Variants in DLX4 observed in about 807,000 individuals in gnomAD.
DLX4 encodes distal-less homeobox 4.
In DLX4, 13 loss-of-function variants were observed where a neutral mutation model predicts 17.1. The observed-to-expected ratio is 0.76, with a 90% CI of 0.49 to 1.21. The LOEUF is 1.21. Among genes scored for constraint, DLX4 ranks in the 50% most tolerant of loss-of-function variants. DLX4 has a pLI of 0.00. For synonymous variants in DLX4, 129 were observed against 140.3 expected (o/e 0.92, Z 0.57); for missense variants, 297 against 301.4 (o/e 0.99, Z 0.11).
At position 49,973,873 on chromosome 17, in the gene DLX4, A is replaced by G; in HGVS notation, c.653A>G (p.Tyr218Cys). The G allele has an allele frequency of 1.2e-6, 2 of 1,612,894 alleles. No individual in the cohort carries two copies. The highest frequency in any genetic ancestry group is 1.1e-5 in the South Asian group (1 of 90,942). Residue 218 changes from tyrosine (Y) to cysteine (C), a missense_variant, in exon 3 of 3, where the codon TAT (tyrosine) becomes TGT (cysteine). Physicochemically the swap from Tyr to Cys is radical, Grantham distance 194. Coordinates refer to ENST00000240306, the MANE Select transcript of DLX4 (RefSeq NM_138281.3). ...GCAGGGACCCTGCCCACCAGTGGCT[A>G]TGGCAACAGCTTTGGAGCCTGGTAT... ...PKAGTLPTSG[Y>C]GNSFGAWYQH...
At chr17:49,971,927 C>T (rs1460998113) in intron 1 of DLX4, 3 of 152,094 alleles carry the variant, frequency 2.0e-5, no homozygotes, top group East Asian at 3.9e-4. Context: ...GAGGGTGAGC[C>T]CGACTAGGGG....
intron 2 of DLX4, 190 bp downstream of exon 2, chr17:49,973,459 C>A (rs1905599461): frequency 9.5e-7 from 1 of 1,057,554 alleles, no homozygotes; most frequent in Non-Finnish European, 1.4e-6. Context: ...CATGTATGTG[C>A]GGGTGGGGTG....
chr17:49,969,238 A>C lies in DLX4; in HGVS notation c.-231A>C. 1 of 424,718 alleles carries C rather than the reference A, an allele frequency of 2.4e-6. No homozygotes were observed. Among genetic ancestry groups the C allele is most frequent in the Non-Finnish European group, 4.0e-6 (1 of 252,848 alleles). The allele number at this position is 424,718 out of a possible 1,614,324, so 26.3% of individuals were successfully genotyped here. A position where few individuals can be genotyped will look rare whatever the true frequency, so the allele number is the denominator to read the frequency against. On this transcript the variant is annotated 5_prime_UTR_variant, in exon 1 of 3. Transcript: ENST00000240306. ...GATGGAGAGGAGGGGGCCCCCATGG[A>C]TTTAGGGGGGGAGGGGAAAGTCATG...
chr17:49,974,075 G>C lies in DLX4; in HGVS notation c.*132G>C. The stretch of plus-strand genomic sequence containing the variant: ...TTTCTCTGGAGGACAAGCAGTTAGA[G>C]GAGAAAAAGGAATGGAGCAGAGCCT... On this transcript the variant is annotated 3_prime_UTR_variant, in exon 3 of 3. Transcript: ENST00000240306. 1 of 1,244,008 alleles carries C rather than the reference G, an allele frequency of 8.0e-7. No homozygotes were observed. The highest frequency in any genetic ancestry group is 2.8e-5 in the East Asian group (1 of 35,644). The allele number at this position is 1,244,008 out of a possible 1,614,324, so 77.1% of individuals were successfully genotyped here. A position where few individuals can be genotyped will look rare whatever the true frequency, so the allele number is the denominator to read the frequency against.
At position 49,973,088 on chromosome 17, in the gene DLX4, G is replaced by A. The variant is rs1905577220; in HGVS notation, c.299G>A (p.Arg100Gln). ...QELEADSEKP[R>Q]LSPEPSERRP... ...TGCCCACCAGACTCGGAGAAGCCGC[G>A]GCTGTCCCCGGAACCCTCCGAGCGG... The change falls in exon 2 of 3, where the codon CGG becomes CAG. Residue 100 changes from arginine to glutamine, a missense_variant. Coordinates refer to ENST00000240306, the MANE Select transcript of DLX4 (RefSeq NM_138281.3). The A allele has an allele frequency of 4.3e-6, 7 of 1,613,896 alleles. No individual in the cohort carries two copies. The highest frequency in any genetic ancestry group is 1.1e-5 in the South Asian group (1 of 91,080).
rs1195924160 is a variant in DLX4, at chr17:49,974,817, ACCC to A, written c.*877_*879del. On this transcript the variant is annotated 3_prime_UTR_variant, in exon 3 of 3. Transcript: ENST00000240306. ...TCTCTGGATTAGTGCGGGTATAGACACCCCCAAATAGGTGGGTAGGCCCATTGA... is the reference window on the plus strand; with the variant it reads ...TCTCTGGATTAGTGCGGGTATAGACACCAAATAGGTGGGTAGGCCCATTGA... 2.6e-5 allele frequency: 4 copies of A among 151,982 alleles called. No individual in the cohort carries two copies. Among genetic ancestry groups the A allele is most frequent in the African/African-American group, 9.7e-5 (4 of 41,360 alleles). 9.4% of individuals were successfully genotyped at this position (151,982 alleles called of 1,614,324 possible). A position where few individuals can be genotyped will look rare whatever the true frequency, so the allele number is the denominator to read the frequency against.
intron 2 of DLX4, 55 bp downstream of exon 2, chr17:49,973,324 T>C: frequency 6.3e-7 from 1 of 1,587,092 alleles, no homozygotes; most frequent in Non-Finnish European, 8.6e-7. Context: ...CTCTGGGAAC[T>C]CATCCCCCAG....
intron 2 of DLX4, 169 bp from the exon 3 acceptor site, chr17:49,973,532 G>A (rs1905602189): frequency 9.7e-7 from 1 of 1,025,682 alleles, no homozygotes; most frequent in Admixed American, 2.3e-5. Context: ...TCAGAGGCAG[G>A]AACTCAGAAG....
rs764755642 is a variant in DLX4 at position 49,972,862 on chromosome 17, G to C, written c.284-211G>C. 6.9e-7 allele frequency: 1 copy of C among 1,443,390 alleles called. No individual in the cohort carries two copies. The highest frequency in any genetic ancestry group is 1.4e-5 in the African/African-American group (1 of 69,576). 89.4% of individuals were successfully genotyped at this position (1,443,390 alleles called of 1,614,324 possible). ...GGGAGCTCCCTGGGAGCAGAACTGC[G>C]TCTTGTATCACCTGGCGCGGTGAAC... is the stretch of plus-strand genomic sequence containing the variant. On this transcript the variant is annotated intron_variant, in intron 1 of 2. Transcript: ENST00000240306. This position sits in a 1 kb window ranked among gnomAD's most constrained non-coding sequence, Gnocchi z 5.4.
At position 49,969,769 on chromosome 17, in the gene DLX4, G is replaced by A; in HGVS notation, c.283+18G>A. The A allele has an allele frequency of 1.9e-6, 3 of 1,572,726 alleles. No homozygotes were observed. Among genetic ancestry groups the A allele is most frequent in the Non-Finnish European group, 2.6e-6 (3 of 1,165,958 alleles). Reference sequence around the variant, plus strand: ...CGAGGCAGGTAAGTTCGGCCGTGGAGGCTCTTCCCACCTCTGGGGTTCGGC... The same window carrying A: ...CGAGGCAGGTAAGTTCGGCCGTGGAAGCTCTTCCCACCTCTGGGGTTCGGC... On this transcript the variant is annotated intron_variant, in intron 1 of 2. Coordinates refer to ENST00000240306, the MANE Select transcript of DLX4 (RefSeq NM_138281.3).
intron 1 of DLX4, among the ~76,000 whole-genome samples, chr17:49,971,015 C>T (rs942915273): frequency 3.3e-5 from 5 of 152,258 alleles, no homozygotes; most frequent in East Asian, 1.9e-4. Flanking sequence ...CTGGAGTGGG[C>T]GCAGTTGCAG....
rs1387398191 is a variant in DLX4 at position 49,969,641 on chromosome 17, C to T, written c.173C>T (p.Pro58Leu). 6.2e-7 allele frequency: 1 copy of T among 1,612,194 alleles called. No homozygotes were observed. Among genetic ancestry groups the T allele is most frequent in the South Asian group, 1.1e-5 (1 of 91,064 alleles). Reference sequence around the variant, plus strand: ...CCGTATGGCCACCTCCTGTCTTACCCCTACACCGAGCCAGCGAACCCCGGA... The same window carrying T: ...CCGTATGGCCACCTCCTGTCTTACCTCTACACCGAGCCAGCGAACCCCGGA... ...SRPYGHLLSY[P>L]YTEPANPGDS... Residue 58 changes from proline to leucine, a missense_variant, in exon 1 of 3, where the codon CCC (proline) becomes CTC (leucine). Coordinates refer to ENST00000240306, the MANE Select transcript of DLX4 (RefSeq NM_138281.3).
At chr17:49,968,764 G>T (rs1422525172), upstream of DLX4, among the ~76,000 whole-genome samples, 1 of 152,208 alleles carries the variant, frequency 6.6e-6, no homozygotes, top group Non-Finnish European at 1.5e-5. Context: ...ATTCCGACGC[G>T]CTGACTAAGC....
rs199532173 is a variant in DLX4, at chr17:49,969,563, C to T, written c.95C>T (p.Pro32Leu). Residue 32 changes from proline to leucine, a missense_variant, in exon 1 of 3, where the codon CCG becomes CTG. Transcript: ENST00000240306. ...APVPSVAAAYPLGLSPTTAAS... is the reference protein window; with the variant it reads ...APVPSVAAAYLLGLSPTTAAS... ...GTCCCGTCGGTAGCGGCTGCCTACCCGCTTGGCTTGTCCCCTACAACCGCA... is the reference window on the plus strand; with the variant it reads ...GTCCCGTCGGTAGCGGCTGCCTACCTGCTTGGCTTGTCCCCTACAACCGCA... 5.8e-5 allele frequency: 93 copies of T among 1,613,630 alleles called. No individual in the cohort carries two copies. The highest frequency in any genetic ancestry group is 7.6e-5 in the Non-Finnish European group (90 of 1,179,990).
chr17:49,969,362 G>A lies in DLX4; in HGVS notation c.-107G>A. ...CGGGATCTTAAGTGTGGGGGCTGCT[G>A]GCTGGGGGGCCCGTCCGGCCCAACG... On this transcript the variant is annotated 5_prime_UTR_variant, in exon 1 of 3. Transcript: ENST00000240306. The A allele has an allele frequency of 1.5e-6, 2 of 1,304,386 alleles. No homozygotes were observed. The highest frequency in any genetic ancestry group is 2.1e-6 in the Non-Finnish European group (2 of 971,502). The allele number at this position is 1,304,386 out of a possible 1,614,324, so 80.8% of individuals were successfully genotyped here.
At chr17:49,973,459 C>T (rs1905599461) in intron 2 of DLX4, 190 bp downstream of exon 2, 2 of 1,057,558 alleles carry the variant, frequency 1.9e-6, no homozygotes, top group South Asian at 1.5e-5. Context: ...CATGTATGTG[C>T]GGGTGGGGTG....
chr17:49,970,511 A>G (rs1439150424), intron 1 of DLX4, among the ~76,000 whole-genome samples: 2 of 152,166 alleles, frequency 1.3e-5, no homozygotes, highest in Non-Finnish European at 2.9e-5. Flanking sequence ...CGTTGCCTGG[A>G]GCAACTCTGA....
At position 49,973,912 on chromosome 17, in the gene DLX4, C is replaced by T; in HGVS notation, c.692C>T (p.Ser231Leu). 1 of 1,610,830 alleles carries T rather than the reference C, an allele frequency of 6.2e-7. No homozygotes were observed. Residue 231 changes from serine to leucine, a missense_variant, in exon 3 of 3, where the codon TCA becomes TTA. By Grantham distance (145) the Ser-to-Leu change is moderately radical. Coordinates refer to ENST00000240306, the MANE Select transcript of DLX4 (RefSeq NM_138281.3). ...SFGAWYQHHS[S>L]DVLASPQMM ...GGAGCCTGGTATCAGCATCACTCCT[C>T]AGATGTCCTGGCTTCGCCTCAGATG...
At chr17:49,973,555 G>T (rs1234094730) in intron 2 of DLX4, 146 bp from the exon 3 acceptor site, 1 of 1,136,262 alleles carries the variant, frequency 8.8e-7, no homozygotes, top group Non-Finnish European at 1.2e-6. Context: ...TCCTGGGGCT[G>T]TGGGGGACTG....
Sources: allele counts gnomAD v4.1 joint callset (sites outside exome capture counted in the v4.1 genomes callset), GRCh38; gene constraint gnomAD v4.1.1; non-coding constraint Gnocchi (gnomAD v3.1); transcripts MANE v1.5; gene names NCBI Gene and HGNC (gene_info 2026-07-23, HGNC 2026-07-21).